The following DOCK11 variants were observed in gnomAD, a reference collection of about 807,000 sequenced individuals.
DOCK11 encodes the protein dedicator of cytokinesis protein 11.
A neutral mutation model predicts 169.1 loss-of-function variants in DOCK11; 70 were observed. The ratio of observed to expected loss-of-function variants is 0.41; its 90% CI spans 0.34 to 0.51. DOCK11 has a LOEUF of 0.51. Among genes scored for constraint, DOCK11 ranks in the 20% least tolerant of loss-of-function variants. The pLI is 0.10. For missense variants in DOCK11, 1,166 were observed against 1,538.8 expected (o/e 0.76, Z 4.05); for synonymous variants, 529 against 541.3 (o/e 0.98, Z 0.32).
rs1349770712 is a variant in DOCK11 at position 118,598,029 on chromosome X, G to A, written c.2386-1G>A. ...ATAGAATCTCAATTTTCTGTTCACAGCAATGTAACGTGGATATTAAATGGG... is the reference window on the plus strand; with the variant it reads ...ATAGAATCTCAATTTTCTGTTCACAACAATGTAACGTGGATATTAAATGGG... On this transcript the variant is annotated splice_acceptor_variant, in intron 21 of 52. Coordinates refer to ENST00000276202, the MANE Select transcript of DOCK11 (RefSeq NM_144658.4). LOFTEE classifies it high-confidence loss of function. The A allele has an allele frequency of 1.7e-6, 2 of 1,177,625 alleles. No individual in the cohort carries two copies. Among genetic ancestry groups the A allele is most frequent in the Non-Finnish European group, 2.3e-6 (2 of 873,202 alleles).
chrX:118,503,153 G>A (rs1028456298), intron 1 of DOCK11, among the ~76,000 whole-genome samples: 1 of 100,562 alleles, frequency 9.9e-6, no homozygotes, highest in East Asian at 3.2e-4. Flanking sequence ...TCTGCCTCCC[G>A]GGTTCAAGCG....
intron 45 of DOCK11, among the ~76,000 whole-genome samples, chrX:118,663,068 A>G (rs2016257449): frequency 8.9e-6 from 1 of 112,115 alleles, no homozygotes; most frequent in South Asian, 3.7e-4. Flanking sequence ...AAATTTTTCC[A>G]TAAAAAATAG....
chrX:118,545,219 C>T, intron 4 of DOCK11, 104 bp from the exon 5 acceptor site: 1 of 494,264 alleles, frequency 2.0e-6, no homozygotes, highest in Non-Finnish European at 3.2e-6. Context: ...GAAATCTGCT[C>T]ATCTTGCTTT....
In DOCK11 at chrX:118,503,074, C is replaced by CTTTTTTTTTTTTTTTTTTTTTTTT. The variant is rs767017269; in HGVS notation, c.102+7017_102+7018insTTTTTTTTTTTTTTTTTTTTTTTT. On this transcript the variant is annotated intron_variant, in intron 1 of 52. Coordinates refer to ENST00000276202, the MANE Select transcript of DOCK11 (RefSeq NM_144658.4). ...TAGTTCTGGAGAGAGATAACAAAGG[C>CTTTTTTTTTTTTTTTTTTTTTTTT]TTTTTTTTTTTTTTTTGAAATGGAG... Among the ~76,000 whole-genome samples, 2 of 90,789 alleles carry CTTTTTTTTTTTTTTTTTTTTTTTT rather than the reference C, an allele frequency of 2.2e-5. 1 individual carries two copies. Among genetic ancestry groups the CTTTTTTTTTTTTTTTTTTTTTTTT allele is most frequent in the Non-Finnish European group, 4.2e-5 (2 of 47,094 alleles). The allele number at this position is 90,789 out of a possible 115,157, so 78.8% of individuals were successfully genotyped here.
intron 20 of DOCK11, among the ~76,000 whole-genome samples, chrX:118,594,181 C>T (rs1304109350): frequency 9.0e-6 from 1 of 111,711 alleles, no homozygotes; most frequent in Non-Finnish European, 1.9e-5. Context: ...TTCAGCAAGG[C>T]TTTACGTAAA....
intron 42 of DOCK11, among the ~76,000 whole-genome samples, chrX:118,653,081 CCA>C (rs1312802317): frequency 1.8e-5 from 2 of 112,039 alleles, no homozygotes; most frequent in African/African-American, 6.5e-5. Flanking sequence ...ACAAGTTACA[CCA>C]CTTATGCTTA....
chrX:118,516,513 C>T (rs756623272), intron 1 of DOCK11, among the ~76,000 whole-genome samples: 1 of 108,031 alleles, frequency 9.3e-6, no homozygotes, highest in Non-Finnish European at 1.9e-5. Context: ...GTGATCTTGG[C>T]TCACTGCATC....
chrX:118,499,476 C>T (rs2057559337), intron 1 of DOCK11, among the ~76,000 whole-genome samples: 1 of 111,858 alleles, frequency 8.9e-6, no homozygotes, highest in African/African-American at 3.2e-5. Flanking sequence ...GAAAAGCTCT[C>T]CAGAAGCTGA....
Position 118,619,500 on chromosome X carries a change from AT to A in DOCK11, c.3471+773del, listed in dbSNP as rs1472145171. On this transcript the variant is annotated intron_variant, in intron 31 of 52. Transcript: ENST00000276202. ...TGTCTCAAAAAAAAAAAAAAAAAAT[AT>A]ATATATATATATAGTTTAGTTAACT... Among the ~76,000 whole-genome samples the A allele has an allele frequency of 4.1e-3, 228 of 55,969 alleles. 3 individuals are homozygous for A. Among genetic ancestry groups the A allele is most frequent in the Admixed American group, 0.026 (114 of 4,396 alleles). 48.6% of individuals were successfully genotyped at this position (55,969 alleles called of 115,157 possible).
Position 118,573,827 on chromosome X carries a change from C to G in DOCK11, c.1198C>G (p.Leu400Val), listed in dbSNP as rs772879847. The change falls in exon 12 of 53, where the codon CTT becomes GTT. Residue 400 changes from leucine (L) to valine (V), a missense_variant. Leu to Val is a conservative substitution (Grantham distance 32). Transcript: ENST00000276202. ...PTNVEPFFIN[L>V]ALFDVKNNCK... ...CCAGGTTGAGCCCTTTTTTATCAATCTTGCCTTATTTGATGTAAAGAACAA... is the reference window on the plus strand; with the variant it reads ...CCAGGTTGAGCCCTTTTTTATCAATGTTGCCTTATTTGATGTAAAGAACAA... 5 of 1,206,109 alleles carry G rather than the reference C, an allele frequency of 4.1e-6. No individual in the cohort carries two copies. The highest frequency in any genetic ancestry group is 5.6e-6 in the Non-Finnish European group (5 of 893,107).
At chrX:118,496,263 C>T (rs1464085097) in intron 1 of DOCK11, among the ~76,000 whole-genome samples, 190 bp downstream of exon 1, 1 of 109,972 alleles carries the variant, frequency 9.1e-6, no homozygotes, top group Non-Finnish European at 1.9e-5. Context: ...AGCTCTCCGG[C>T]CGCCCGGCAC....
At chrX:118,628,521 T>C (rs1451202189) in intron 34 of DOCK11, among the ~76,000 whole-genome samples, 1 of 112,579 alleles carries the variant, frequency 8.9e-6, no homozygotes, top group Non-Finnish European at 1.9e-5. Context: ...CCTTTAACCC[T>C]AGCACGCTAT....
At chrX:118,511,044 G>A (rs1019123879) in intron 1 of DOCK11, among the ~76,000 whole-genome samples, 6 of 112,231 alleles carry the variant, frequency 5.3e-5, no homozygotes, top group African/African-American at 1.9e-4. Context: ...GTGTCTGATG[G>A]CACAGAGCTT....
chrX:118,652,058 A>G lies in DOCK11; in HGVS notation c.4676A>G (p.Asn1559Ser). The G allele has an allele frequency of 8.5e-7, 1 of 1,173,926 alleles. No homozygotes were observed. Among genetic ancestry groups the G allele is most frequent in the Non-Finnish European group, 1.2e-6 (1 of 864,171 alleles). The change falls in exon 42 of 53, where the codon AAT (asparagine) becomes AGT (serine). Residue 1559 changes from asparagine to serine, a missense_variant. By Grantham distance (46) the Asn-to-Ser change is conservative. Coordinates refer to ENST00000276202, the MANE Select transcript of DOCK11 (RefSeq NM_144658.4). Reference sequence around the variant, plus strand: ...TTATTCATTATCAATAATTTTGCAAATAGTGACAGACCTATGAAGGTATGT... The same window carrying G: ...TTATTCATTATCAATAATTTTGCAAGTAGTGACAGACCTATGAAGGTATGT... ...ESLFIINNFA[N>S]SDRPMKATAF...
At chrX:118,662,978 A>G (rs895037811) in intron 45 of DOCK11, among the ~76,000 whole-genome samples, 186 bp downstream of exon 45, 2 of 112,236 alleles carry the variant, frequency 1.8e-5, no homozygotes, top group Admixed American at 1.9e-4. Flanking sequence ...AACTGGTCCC[A>G]TTGTCTAGTT....
chrX:118,660,438 G>T (rs1316421941), intron 44 of DOCK11, among the ~76,000 whole-genome samples: 1 of 111,183 alleles, frequency 9.0e-6, no homozygotes, highest in East Asian at 2.8e-4. Context: ...AAATGAAGCA[G>T]GCTATGTTTT....
Position 118,584,718 on chromosome X carries a change from T to A in DOCK11, c.1596-17T>A. 9.0e-7 allele frequency: 1 copy of A among 1,115,679 alleles called. No homozygotes were observed. The highest frequency in any genetic ancestry group is 1.2e-6 in the Non-Finnish European group (1 of 847,112). The allele number at this position is 1,115,679 out of a possible 1,213,427, so 91.9% of individuals were successfully genotyped here. On this transcript the variant is annotated splice_polypyrimidine_tract_variant and intron_variant, in intron 14 of 52. Coordinates refer to ENST00000276202, the MANE Select transcript of DOCK11 (RefSeq NM_144658.4). ...GGAATTTTTTTTTTTAAAAAAATGCTTCTGTTGCTGTTTTAGACCCATTTT... is the reference window on the plus strand; with the variant it reads ...GGAATTTTTTTTTTTAAAAAAATGCATCTGTTGCTGTTTTAGACCCATTTT...
chrX:118,676,083 T>C, intron 47 of DOCK11, 34 bp downstream of exon 47: 1 of 976,131 alleles, frequency 1.0e-6, no homozygotes, highest in Non-Finnish European at 1.4e-6. Context: ...GTTTTCCTTT[T>C]TAAACATTCA....
chrX:118,678,788 C>T (rs1271703934), intron 48 of DOCK11, among the ~76,000 whole-genome samples: 1 of 104,334 alleles, frequency 9.6e-6, no homozygotes, highest in Non-Finnish European at 2.0e-5. Context: ...TAATTTTTTT[C>T]GAGACAGGGT....
Sources: gnomAD v4.1 joint callset for allele counts (sites outside exome capture counted in the v4.1 genomes callset) on GRCh38, gnomAD v4.1.1 for gene constraint, MANE v1.5 for transcripts, NCBI Gene and HGNC (gene_info 2026-07-23, HGNC 2026-07-21) for gene names.